The following TRIM9 variants were observed in gnomAD, a reference collection of about 807,000 sequenced individuals.
The protein encoded by TRIM9 is tripartite motif containing 9, also known as E3 ubiquitin-protein ligase TRIM9.
TRIM9 carries 26 observed loss-of-function variants against 78.3 expected under a neutral mutation model. That is an observed-to-expected ratio of 0.33 (90% CI 0.24 to 0.46). The LOEUF is 0.46. TRIM9 is among the 20% of genes least tolerant of loss of function. TRIM9 has a pLI of 1.00. For missense variants in TRIM9, 787 were observed against 1,036.4 expected (o/e 0.76, Z 3.30); for synonymous variants, 398 against 416.5 (o/e 0.96, Z 0.54).
At chr14:51,022,794 G>A in intron 3 of TRIM9, 41 bp downstream of exon 3, 1 of 1,611,566 alleles carries the variant, frequency 6.2e-7, no homozygotes. Context: ...TCGGGAGCCT[G>A]GCTTGTTGGC....
intron 6 of TRIM9, among the ~76,000 whole-genome samples, chr14:50,998,660 A>G (rs1432492950): frequency 6.6e-6 from 1 of 152,238 alleles, no homozygotes; most frequent in Non-Finnish European, 1.5e-5. Flanking sequence ...TCCTATGTTT[A>G]GAACTCCGCT....
chr14:50,988,902 G>T (rs1596107469), intron 7 of TRIM9, among the ~76,000 whole-genome samples: 2 of 152,176 alleles, frequency 1.3e-5, no homozygotes, highest in South Asian at 4.1e-4. Flanking sequence ...CAGAGGAGCT[G>T]CCATCAAGCT....
chr14:51,090,161 A>G (rs2064167239), intron 1 of TRIM9: 1 of 152,242 alleles, frequency 6.6e-6, no homozygotes, highest in Admixed American at 6.5e-5. Context: ...AAATGTTTAC[A>G]TGGCACACAG....
At chr14:51,069,138 A>G (rs914997983) in intron 1 of TRIM9, among the ~76,000 whole-genome samples, 6 of 152,210 alleles carry the variant, frequency 3.9e-5, no homozygotes, top group African/African-American at 1.4e-4. Context: ...AAATGGAATC[A>G]GTCTGAGAGA....
At chr14:51,050,396 T>C (rs577265134) in intron 1 of TRIM9, among the ~76,000 whole-genome samples, 1 of 152,336 alleles carries the variant, frequency 6.6e-6, no homozygotes, top group South Asian at 2.1e-4. Flanking sequence ...TCATTGCCTC[T>C]TTGCCTGCCA....
At chr14:51,023,447 T>C (rs2057945786) in intron 2 of TRIM9, among the ~76,000 whole-genome samples, 1 of 152,060 alleles carries the variant, frequency 6.6e-6, no homozygotes, top group Non-Finnish European at 1.5e-5. Flanking sequence ...GAATAATGGG[T>C]AAAAGTACTT....
chr14:50,992,192 C>A (rs1345674163), intron 7 of TRIM9, among the ~76,000 whole-genome samples: 1 of 152,218 alleles, frequency 6.6e-6, no homozygotes, highest in Non-Finnish European at 1.5e-5. Context: ...GTTCTTCTGA[C>A]AGGTTCTTTG....
At chr14:50,987,243 C>T (rs957690764) in intron 7 of TRIM9, among the ~76,000 whole-genome samples, 2 of 152,198 alleles carry the variant, frequency 1.3e-5, no homozygotes, top group African/African-American at 4.8e-5. Flanking sequence ...AATCAGTTAG[C>T]AGCAATTCTT....
At chr14:51,012,636 C>G (rs2056711599) in intron 3 of TRIM9, among the ~76,000 whole-genome samples, 1 of 152,170 alleles carries the variant, frequency 6.6e-6, no homozygotes, top group African/African-American at 2.4e-5. Context: ...GATCACCATA[C>G]TGTTTTCCAT....
intron 2 of TRIM9, among the ~76,000 whole-genome samples, chr14:51,023,536 A>T (rs530425013): frequency 2.6e-4 from 40 of 152,312 alleles, no homozygotes; most frequent in African/African-American, 9.4e-4. Flanking sequence ...CTGCCATAAA[A>T]ATCAGATATG....
chr14:50,995,646 T>C (rs2139454344), intron 7 of TRIM9, among the ~76,000 whole-genome samples: 1 of 152,332 alleles, frequency 6.6e-6, no homozygotes, highest in South Asian at 2.1e-4. Context: ...AAATTTTACC[T>C]TTCTGTGATA....
intron 3 of TRIM9, among the ~76,000 whole-genome samples, chr14:51,018,736 C>T (rs11851596): frequency 0.011 from 1,619 of 152,276 alleles, 27 homozygotes; most frequent in African/African-American, 0.038. Context: ...TCAGCATCCT[C>T]GCTGAGTAAT....
At chr14:51,090,936 A>T (rs1377791802) in intron 1 of TRIM9, 1 of 152,172 alleles carries the variant, frequency 6.6e-6, no homozygotes, top group Non-Finnish European at 1.5e-5. Flanking sequence ...ATTCAAGGAT[A>T]ATATCAGGAT....
chr14:51,060,301 G>A (rs2140149049), intron 1 of TRIM9, among the ~76,000 whole-genome samples: 1 of 152,232 alleles, frequency 6.6e-6, no homozygotes, highest in South Asian at 2.1e-4. Context: ...TGACCATTTA[G>A]CTAACCCTTT....
chr14:51,058,782 AAT>A (rs763225007), intron 1 of TRIM9, among the ~76,000 whole-genome samples: 1 of 152,262 alleles, frequency 6.6e-6, no homozygotes, highest in Non-Finnish European at 1.5e-5. Context: ...CTATCACACT[AAT>A]TCAAAATGAC....
chr14:51,050,832 C>A (rs556260993), intron 1 of TRIM9, among the ~76,000 whole-genome samples: 1 of 151,886 alleles, frequency 6.6e-6, no homozygotes, highest in Non-Finnish European at 1.5e-5. Flanking sequence ...GGATCTCAGC[C>A]AGCACCAACC....
At chr14:51,070,489 G>T (rs2062121440) in intron 1 of TRIM9, among the ~76,000 whole-genome samples, 1 of 151,052 alleles carries the variant, frequency 6.6e-6, no homozygotes, top group South Asian at 2.1e-4. Flanking sequence ...TATCTAAAAT[G>T]CCTGGGACTG....
At chr14:51,005,715 A>G (rs1456791801) in intron 5 of TRIM9, among the ~76,000 whole-genome samples, 3 of 152,228 alleles carry the variant, frequency 2.0e-5, no homozygotes, top group Non-Finnish European at 4.4e-5. Flanking sequence ...TGTTTTCTAT[A>G]AAAGAAAAGT....
At chr14:51,046,695 A>G (rs1276419878) in intron 1 of TRIM9, among the ~76,000 whole-genome samples, 3 of 152,232 alleles carry the variant, frequency 2.0e-5, no homozygotes, top group Admixed American at 6.5e-5. Flanking sequence ...AGACTTTGGA[A>G]CCAGACTCCT....
Sources: gnomAD v4.1 joint callset for allele counts (sites outside exome capture counted in the v4.1 genomes callset) on GRCh38, gnomAD v4.1.1 for gene constraint, MANE v1.5 for transcripts, NCBI Gene and HGNC (gene_info 2026-07-23, HGNC 2026-07-21) for gene names.